ASAP1: variants seen among roughly 807,000 people sequenced by gnomAD.
The protein encoded by ASAP1 is ArfGAP with SH3 domain, ankyrin repeat and PH domain 1, also known as arf-GAP with SH3 domain, ANK repeat and PH domain-containing protein 1.
ASAP1 carries 43 observed loss-of-function variants against 145.2 expected under a neutral mutation model. The observed-to-expected ratio is 0.30, with a 90% CI of 0.23 to 0.38. The LOEUF is 0.38. ASAP1 is among the 10% of genes least tolerant of loss of function. The probability of loss-of-function intolerance (pLI) is 1.00; values close to 1 mark genes in which losing one functional copy is unlikely to be tolerated. For synonymous variants in ASAP1, 546 were observed against 515.5 expected (o/e 1.06, Z -0.80); for missense variants, 1,018 against 1,355.3 (o/e 0.75, Z 3.91).
chr8:130,310,923 T>C (rs901245464), intron 3 of ASAP1, among the ~76,000 whole-genome samples: 3 of 152,192 alleles, frequency 2.0e-5, no homozygotes, highest in Non-Finnish European at 2.9e-5. Flanking sequence ...CTGTACAAGT[T>C]TGGGACTCAA....
At position 130,096,469 on chromosome 8, in the gene ASAP1, C is replaced by T. The variant is rs144957824; in HGVS notation, c.2402-4326G>A. 3.0e-3 allele frequency among the ~76,000 whole-genome samples: 452 copies of T among 152,240 alleles called. 2 individuals are homozygous for T. The highest frequency in any genetic ancestry group is 0.01 in the African/African-American group (434 of 41,546). ...TTTCTCTCCTGAACTCTGCCAGAGG[C>T]CTGTGGAAGTAACAAGAAAGTGCCC... On this transcript the variant is annotated intron_variant, in intron 24 of 29. Coordinates refer to ENST00000518721, the MANE Select transcript of ASAP1 (RefSeq NM_018482.4).
At chr8:130,189,565 CTT>C (rs1171110977) in intron 5 of ASAP1, among the ~76,000 whole-genome samples, 3 of 152,116 alleles carry the variant, frequency 2.0e-5, no homozygotes, top group Non-Finnish European at 4.4e-5. Context: ...TTGATGGACA[CTT>C]AGGTTGATTC....
chr8:130,230,034 A>C (rs1817816483), intron 4 of ASAP1, among the ~76,000 whole-genome samples: 1 of 151,648 alleles, frequency 6.6e-6, no homozygotes, highest in Non-Finnish European at 1.5e-5. Flanking sequence ...ACTGCTCTCC[A>C]GCCTGGGCAA....
chr8:130,234,812 G>T (rs373234414), intron 4 of ASAP1, among the ~76,000 whole-genome samples: 65 of 152,252 alleles, frequency 4.3e-4, no homozygotes, highest in African/African-American at 1.4e-3. Flanking sequence ...ACATTACAGA[G>T]AACTGACCAT....
chr8:130,285,767 A>G (rs1821570564), intron 3 of ASAP1, among the ~76,000 whole-genome samples: 1 of 152,202 alleles, frequency 6.6e-6, no homozygotes, highest in Admixed American at 6.5e-5. Context: ...AAAAATATGA[A>G]ATATTTGTTT....
At chr8:130,436,792 T>C (rs1830327251) in intron 1 of ASAP1, among the ~76,000 whole-genome samples, 1 of 151,866 alleles carries the variant, frequency 6.6e-6, no homozygotes, top group African/African-American at 2.4e-5. Context: ...CACAGCAAGA[T>C]CCTATCACTT....
chr8:130,154,146 A>T (rs2097653294), intron 12 of ASAP1, among the ~76,000 whole-genome samples: 2 of 152,228 alleles, frequency 1.3e-5, no homozygotes. Flanking sequence ...AGAATGCATC[A>T]TCATTTTTGG....
At chr8:130,304,666 A>C (rs1822884564) in intron 3 of ASAP1, among the ~76,000 whole-genome samples, 1 of 152,188 alleles carries the variant, frequency 6.6e-6, no homozygotes, top group African/African-American at 2.4e-5. Flanking sequence ...TCAATTTTAC[A>C]CAGGAAGTAC....
chr8:130,346,007 A>G (rs1487177226), intron 3 of ASAP1, among the ~76,000 whole-genome samples: 1 of 152,226 alleles, frequency 6.6e-6, no homozygotes, highest in Non-Finnish European at 1.5e-5. Flanking sequence ...ATTGGTAGGC[A>G]TATATATAAA....
chr8:130,088,275 C>T (rs2097498108), intron 25 of ASAP1, among the ~76,000 whole-genome samples: 1 of 152,134 alleles, frequency 6.6e-6, no homozygotes, highest in Admixed American at 6.5e-5. Context: ...GGATTACAGG[C>T]ATGCGCCACC....
chr8:130,088,280 G>A (rs1330814597), intron 25 of ASAP1, among the ~76,000 whole-genome samples: 3 of 152,162 alleles, frequency 2.0e-5, no homozygotes, highest in Middle Eastern at 3.4e-3. Context: ...ACAGGCATGC[G>A]CCACCATGCC....
chr8:130,406,037 T>C (rs1325159566), intron 1 of ASAP1, among the ~76,000 whole-genome samples: 2 of 152,256 alleles, frequency 1.3e-5, no homozygotes, highest in African/African-American at 4.8e-5. Context: ...AGATAAATAC[T>C]GTTCCTATAC....
intron 3 of ASAP1, among the ~76,000 whole-genome samples, chr8:130,279,434 G>A (rs1302449376): frequency 6.6e-6 from 1 of 152,194 alleles, no homozygotes; most frequent in Admixed American, 6.5e-5. Flanking sequence ...AATGGCAGAT[G>A]TTAGAAATCC....
intron 2 of ASAP1, among the ~76,000 whole-genome samples, chr8:130,366,088 A>G (rs1445611474): frequency 6.6e-6 from 1 of 152,222 alleles, no homozygotes; most frequent in Non-Finnish European, 1.5e-5. Context: ...GAACTGAGCC[A>G]AATGCCAAGT....
intron 2 of ASAP1, among the ~76,000 whole-genome samples, chr8:130,362,240 G>C (rs1039586809): frequency 2.0e-5 from 3 of 152,162 alleles, no homozygotes; most frequent in Non-Finnish European, 4.4e-5. Context: ...AGAGGTGGGG[G>C]AGTGTGGGTG....
chr8:130,106,674 T>C (rs1272510994), intron 24 of ASAP1, among the ~76,000 whole-genome samples: 5 of 152,226 alleles, frequency 3.3e-5, no homozygotes, highest in African/African-American at 9.7e-5. Context: ...ATCTGACGAG[T>C]ACTGACGAGC....
At chr8:130,070,703 A>G (rs2097441270) in intron 27 of ASAP1, among the ~76,000 whole-genome samples, 2 of 151,506 alleles carry the variant, frequency 1.3e-5, no homozygotes, top group South Asian at 4.2e-4. Flanking sequence ...GTGATGTCCA[A>G]GAACATTCTA....
intron 3 of ASAP1, among the ~76,000 whole-genome samples, chr8:130,284,783 C>T (rs993181605): frequency 6.6e-6 from 1 of 151,708 alleles, no homozygotes; most frequent in Non-Finnish European, 1.5e-5. Flanking sequence ...ATTCCCTCCC[C>T]CCATAAGAAT....
At chr8:130,189,273 T>C (rs1814969004) in intron 5 of ASAP1, among the ~76,000 whole-genome samples, 1 of 152,184 alleles carries the variant, frequency 6.6e-6, no homozygotes, top group South Asian at 2.1e-4. Context: ...TCTATCTAAC[T>C]GTATTTTTGT....
Sources: gnomAD v4.1 joint callset for allele counts (sites outside exome capture counted in the v4.1 genomes callset) on GRCh38, gnomAD v4.1.1 for gene constraint, MANE v1.5 for transcripts, NCBI Gene and HGNC (gene_info 2026-07-23, HGNC 2026-07-21) for gene names.